Variants in FHIT observed in about 807,000 individuals in gnomAD.
The protein encoded by FHIT is fragile histidine triad diadenosine triphosphatase.
FHIT carries 19 observed loss-of-function variants against 17.9 expected under a neutral mutation model. The ratio of observed to expected loss-of-function variants is 1.06; its 90% CI spans 0.74 to 1.56. The LOEUF (loss-of-function observed/expected upper bound fraction) is 1.56, where lower values mean the gene tolerates loss of function less well. FHIT is among the 40% of genes most tolerant of loss of function. FHIT has a pLI of 0.00. For synonymous variants in FHIT, 81 were observed against 69.7 expected (o/e 1.16, Z -0.81); for missense variants, 248 against 189.2 (o/e 1.31, Z -1.82).
intron 8 of FHIT, among the ~76,000 whole-genome samples, chr3:59,889,912 T>A (rs1294491973): frequency 6.6e-6 from 1 of 152,232 alleles, no homozygotes. Flanking sequence ...GATATTGTAA[T>A]GAATTTTCTT....
chr3:60,405,891 A>G (rs1252717167), intron 5 of FHIT, among the ~76,000 whole-genome samples: 1 of 152,090 alleles, frequency 6.6e-6, no homozygotes, highest in African/African-American at 2.4e-5. Context: ...AAAATGACCA[A>G]TCTCCTTTCT....
chr3:60,323,121 G>A (rs916560136), intron 5 of FHIT, among the ~76,000 whole-genome samples: 11 of 151,966 alleles, frequency 7.2e-5, no homozygotes, highest in Non-Finnish European at 1.5e-4. Flanking sequence ...TATATAAAAT[G>A]TCTTAAAACC....
At chr3:59,848,116 C>T (rs914393852) in intron 8 of FHIT, among the ~76,000 whole-genome samples, 4 of 151,988 alleles carry the variant, frequency 2.6e-5, no homozygotes, top group Admixed American at 1.3e-4. Flanking sequence ...TCCTTTTTGC[C>T]CACCGTGGCT....
intron 5 of FHIT, among the ~76,000 whole-genome samples, chr3:60,095,896 T>A (rs1177141345): frequency 6.6e-6 from 1 of 152,194 alleles, no homozygotes; most frequent in Non-Finnish European, 1.5e-5. Flanking sequence ...CAGGCTTACA[T>A]CCCAGAGCTC....
chr3:60,206,149 A>AAAAAAT (rs1703170750), intron 5 of FHIT, among the ~76,000 whole-genome samples: 1 of 94,140 alleles, frequency 1.1e-5, no homozygotes, highest in Non-Finnish European at 2.1e-5. Flanking sequence ...AAAAAAAAAT[A>AAAAAAT]AATAATAATA....
At chr3:60,543,788 A>T (rs1191057675) in intron 4 of FHIT, among the ~76,000 whole-genome samples, 2 of 151,580 alleles carry the variant, frequency 1.3e-5, no homozygotes, top group Non-Finnish European at 2.9e-5. Context: ...TCTGTCACCC[A>T]GGCTGGAGTG....
intron 2 of FHIT, among the ~76,000 whole-genome samples, chr3:61,163,025 G>C (rs982441321): frequency 6.6e-6 from 1 of 152,112 alleles, no homozygotes; most frequent in Non-Finnish European, 1.5e-5. Flanking sequence ...TTTAATACAT[G>C]TATAGATCTT....
chr3:59,992,574 A>G (rs774189598), intron 7 of FHIT, among the ~76,000 whole-genome samples: 3 of 152,120 alleles, frequency 2.0e-5, no homozygotes, highest in Non-Finnish European at 2.9e-5. Flanking sequence ...TGATCAAAAC[A>G]TAAGGCAAAA....
Position 60,544,885 on chromosome 3 carries a change from C to T in FHIT, c.-17-7906G>A, listed in dbSNP as rs542850549. Among the ~76,000 whole-genome samples, 162 of 152,306 alleles carry T rather than the reference C, an allele frequency of 1.1e-3. 3 individuals are homozygous for T. The highest frequency in any genetic ancestry group is 6.8e-3 in the Middle Eastern group (2 of 294). ...GTGCTGGGATTACAAGCATGAGCCA[C>T]TGTGCTCAGCCAACTTATCTAGTTT... On this transcript the variant is annotated intron_variant, in intron 4 of 9. Transcript: ENST00000492590.
chr3:60,047,335 C>G (rs1248515567), intron 5 of FHIT, among the ~76,000 whole-genome samples: 1 of 152,206 alleles, frequency 6.6e-6, no homozygotes, highest in East Asian at 1.9e-4. Flanking sequence ...GTGCCTGTAA[C>G]TGCTGAGGTT....
Position 60,435,096 on chromosome 3 carries a change from G to A in FHIT, c.103+101764C>T, listed in dbSNP as rs576630255. ...CACTTCACAGCAAAGATGACTGTGTGCTGGGCCAGCAGCAGGCCATTAGCA... is the reference window on the plus strand; with the variant it reads ...CACTTCACAGCAAAGATGACTGTGTACTGGGCCAGCAGCAGGCCATTAGCA... On this transcript the variant is annotated intron_variant, in intron 5 of 9. Coordinates refer to ENST00000492590, the MANE Select transcript of FHIT (RefSeq NM_002012.4). Among the ~76,000 whole-genome samples the A allele has an allele frequency of 8.5e-5, 13 of 152,260 alleles. No homozygotes were observed. The South Asian group carries it at 2.5e-3, about 29-fold the overall frequency.
intron 5 of FHIT, among the ~76,000 whole-genome samples, chr3:60,317,955 C>T (rs1423267407): frequency 6.6e-6 from 1 of 151,810 alleles, no homozygotes; most frequent in Non-Finnish European, 1.5e-5. Context: ...CACACCCAGA[C>T]AATTTTTATA....
At chr3:61,015,463 A>G (rs2032055475) in intron 3 of FHIT, among the ~76,000 whole-genome samples, 1 of 152,178 alleles carries the variant, frequency 6.6e-6, no homozygotes, top group African/African-American at 2.4e-5. Context: ...CTTTTGGATT[A>G]CGCTTGATCT....
rs551655596 is a variant in FHIT at position 61,206,136 on chromosome 3, G to A, written c.-212-5471C>T. Among the ~76,000 whole-genome samples the A allele has an allele frequency of 5.4e-5, 7 of 130,812 alleles. No homozygotes were observed. The East Asian group carries it at 1.4e-3, about 27-fold the overall frequency. The allele number at this position is 130,812 out of a possible 152,430, so 85.8% of individuals were successfully genotyped here. On this transcript the variant is annotated intron_variant, in intron 1 of 9. Transcript: ENST00000492590. ...AAAGATCAGATAGTTGTAGATATGT[G>A]GCATTATTTCTGAGGGCTCTGTTCT... is the stretch of plus-strand genomic sequence containing the variant.
intron 5 of FHIT, among the ~76,000 whole-genome samples, chr3:60,106,682 CT>C (rs769832911): frequency 7.9e-5 from 12 of 152,314 alleles, no homozygotes; most frequent in Non-Finnish European, 1.6e-4. Flanking sequence ...TGAGACTCCC[CT>C]ATCCTTTCTA....
chr3:61,045,516 T>C (rs1368801159), intron 2 of FHIT, among the ~76,000 whole-genome samples: 2 of 152,100 alleles, frequency 1.3e-5, no homozygotes, highest in Non-Finnish European at 2.9e-5. Flanking sequence ...AAAAAGAGAC[T>C]TAGACTCCCA....
chr3:60,248,893 A>G (rs1361750467), intron 5 of FHIT, among the ~76,000 whole-genome samples: 2 of 152,160 alleles, frequency 1.3e-5, no homozygotes, highest in Non-Finnish European at 2.9e-5. Flanking sequence ...CATTTTTATC[A>G]TCAAGGATGA....
chr3:59,986,068 T>C (rs183510918), intron 7 of FHIT, among the ~76,000 whole-genome samples: 53 of 152,078 alleles, frequency 3.5e-4, no homozygotes, highest in African/African-American at 1.1e-3. Context: ...TGTCAAGGAA[T>C]ACTCCATTTT....
chr3:60,480,538 C>G (rs1334349242), intron 5 of FHIT, among the ~76,000 whole-genome samples: 2 of 152,190 alleles, frequency 1.3e-5, no homozygotes, highest in Admixed American at 1.3e-4. Context: ...AAGTTAGTTA[C>G]TTACAAGATA....
Sources: gnomAD v4.1 joint callset for allele counts (sites outside exome capture counted in the v4.1 genomes callset) on GRCh38, gnomAD v4.1.1 for gene constraint, MANE v1.5 for transcripts, NCBI Gene and HGNC (gene_info 2026-07-23, HGNC 2026-07-21) for gene names.